The following MAF variants were observed in gnomAD, a reference collection of about 807,000 sequenced individuals.
MAF encodes the protein transcription factor Maf.
In MAF, 10 loss-of-function variants were observed where a neutral mutation model predicts 22.0. The ratio of observed to expected loss-of-function variants is 0.45; its 90% CI spans 0.28 to 0.77. MAF has a LOEUF of 0.77. MAF is among the 30% of genes least tolerant of loss of function. The pLI, the probability that MAF is intolerant of heterozygous loss-of-function variation, is 0.12. For missense variants in MAF, 544 were observed against 548.4 expected (o/e 0.99, Z 0.08); for synonymous variants, 337 against 255.8 (o/e 1.32, Z -3.03).
chr16:79,349,527 C>A, the MAF span, among the ~76,000 whole-genome samples: 1 of 152,222 alleles, frequency 6.6e-6, no homozygotes, highest in Admixed American at 6.5e-5. Flanking sequence ...GGGTTTCACT[C>A]TGGAACTAAC....
At chr16:79,472,948 G>A in the MAF span, among the ~76,000 whole-genome samples, 6 of 151,990 alleles carry the variant, frequency 3.9e-5, no homozygotes, top group Non-Finnish European at 8.8e-5. Context: ...ACCATATGGC[G>A]CACCAGCCAG....
At chr16:79,227,835 A>T in the MAF span, among the ~76,000 whole-genome samples, 5 of 152,146 alleles carry the variant, frequency 3.3e-5, no homozygotes, top group Non-Finnish European at 7.4e-5. Flanking sequence ...CAATGTCAAT[A>T]TAACTGTTGA....
chr16:79,276,550 C>G, the MAF span, among the ~76,000 whole-genome samples: 2 of 152,132 alleles, frequency 1.3e-5, no homozygotes, highest in African/African-American at 4.8e-5. Context: ...GGGTGGAAAC[C>G]AAACCAGGCT....
chr16:79,427,600 T>C, the MAF span, among the ~76,000 whole-genome samples: 1 of 152,110 alleles, frequency 6.6e-6, no homozygotes, highest in Non-Finnish European at 1.5e-5. Context: ...CAGCCAGGAA[T>C]GCTCCCTCCC....
At chr16:79,391,678 G>A in the MAF span, among the ~76,000 whole-genome samples, 7 of 152,120 alleles carry the variant, frequency 4.6e-5, no homozygotes, top group Non-Finnish European at 8.8e-5. Context: ...GTGGGCATCC[G>A]CCTCCAGGAG....
At chr16:79,339,194 C>T in the MAF span, among the ~76,000 whole-genome samples, 1 of 152,172 alleles carries the variant, frequency 6.6e-6, no homozygotes, top group Non-Finnish European at 1.5e-5. Context: ...CTCAGCCTCT[C>T]GAGTAGCTGG....
the MAF span, among the ~76,000 whole-genome samples, chr16:79,396,507 A>G: frequency 1.3e-5 from 2 of 152,206 alleles, no homozygotes; most frequent in African/African-American, 4.8e-5. Flanking sequence ...CCCACTAACA[A>G]TATCCCAATA....
the MAF span, among the ~76,000 whole-genome samples, chr16:79,461,558 G>C: frequency 1.3e-5 from 2 of 152,196 alleles, no homozygotes; most frequent in African/African-American, 2.4e-5. Context: ...CTGCTGGCTT[G>C]AACACACTCA....
chr16:79,529,692 G>A, the MAF span, among the ~76,000 whole-genome samples: 2 of 152,208 alleles, frequency 1.3e-5, no homozygotes, highest in Admixed American at 6.5e-5. Flanking sequence ...TGGGCGCGGT[G>A]GCTCACGCCT....
At chr16:79,482,855 C>CCTCCCTCCCTCCCTCTCCTCAA in the MAF span, among the ~76,000 whole-genome samples, 3 of 113,730 alleles carry the variant, frequency 2.6e-5, no homozygotes, top group African/African-American at 1.1e-4. Flanking sequence ...CCTCCCCTCC[C>CCTCCCTCCCTCCCTCTCCTCAA]CTCCCTCCCT....
downstream of MAF, among the ~76,000 whole-genome samples, chr16:79,590,375 T>C (rs909329655): frequency 2.6e-5 from 4 of 152,138 alleles, no homozygotes; most frequent in African/African-American, 9.7e-5. Flanking sequence ...CCAGTGATGC[T>C]CCCCGGACCC....
At chr16:79,465,311 G>T in the MAF span, among the ~76,000 whole-genome samples, 1 of 152,166 alleles carries the variant, frequency 6.6e-6, no homozygotes, top group African/African-American at 2.4e-5. Flanking sequence ...CATATTTAAG[G>T]GCAGGGCGTG....
At chr16:79,310,160 G>A in the MAF span, among the ~76,000 whole-genome samples, 1 of 152,158 alleles carries the variant, frequency 6.6e-6, no homozygotes, top group Non-Finnish European at 1.5e-5. Context: ...AGTGTCATTG[G>A]CACAAGGTTC....
the MAF span, among the ~76,000 whole-genome samples, chr16:79,576,256 AAAAG>A: frequency 6.6e-6 from 1 of 150,534 alleles, no homozygotes; most frequent in East Asian, 1.9e-4. Context: ...AAAAAAAAAA[AAAAG>A]GACCAGTACT....
At chr16:79,449,634 G>A in the MAF span, among the ~76,000 whole-genome samples, 1 of 152,184 alleles carries the variant, frequency 6.6e-6, no homozygotes, top group East Asian at 1.9e-4. Context: ...GCAGGGTCAG[G>A]AAGATGTGGA....
chr16:79,517,884 T>G, the MAF span, among the ~76,000 whole-genome samples: 16 of 152,168 alleles, frequency 1.1e-4, no homozygotes, highest in Non-Finnish European at 1.8e-4. Context: ...TTAGTCAGCC[T>G]TTAACTACAA....
intron 1 of MAF, 159 bp from the exon 2 acceptor site, chr16:79,594,712 G>GAAA (rs36052284): frequency 2.7e-5 from 35 of 1,310,504 alleles, no homozygotes; most frequent in African/African-American, 6.1e-5. Context: ...TTCTTTGTAA[G>GAAA]AAAAAAAAAA....
chr16:79,345,276 G>A, the MAF span, among the ~76,000 whole-genome samples: 2 of 152,010 alleles, frequency 1.3e-5, no homozygotes, highest in Non-Finnish European at 2.9e-5. Flanking sequence ...CCTAACTTCT[G>A]GTCATCTTTT....
At chr16:79,458,059 G>T in the MAF span, among the ~76,000 whole-genome samples, 5 of 149,668 alleles carry the variant, frequency 3.3e-5, no homozygotes, top group East Asian at 7.9e-4. Flanking sequence ...AATAAAAATT[G>T]TCCATCATCC....
Sources: gnomAD v4.1 joint callset for allele counts (sites outside exome capture counted in the v4.1 genomes callset) on GRCh38, gnomAD v4.1.1 for gene constraint, MANE v1.5 for transcripts, NCBI Gene and HGNC (gene_info 2026-07-23, HGNC 2026-07-21) for gene names.